Variants in NSD1 observed in about 807,000 individuals in gnomAD.
The protein encoded by NSD1 is histone-lysine N-methyltransferase, H3 lysine-36 specific.
Under a neutral mutation model 242.7 loss-of-function variants are expected in NSD1, and 26 were observed. The ratio of observed to expected loss-of-function variants is 0.11; its 90% confidence interval spans 0.08 to 0.15. NSD1 has a LOEUF of 0.15. NSD1 is among the 10% of genes least tolerant of loss of function. The probability of loss-of-function intolerance (pLI) is 1.00; values close to 1 mark genes in which losing one functional copy is unlikely to be tolerated. For synonymous variants in NSD1, 1,106 were observed against 1,178.1 expected (o/e 0.94, Z 1.25); for missense variants, 2,495 against 3,272.8 (o/e 0.76, Z 5.80).
intron 3 of NSD1, among the ~76,000 whole-genome samples, chr5:177,194,542 C>G (rs1056719312): frequency 6.8e-6 from 1 of 146,626 alleles, no homozygotes; most frequent in Non-Finnish European, 1.5e-5. Flanking sequence ...CTTGGCCTTC[C>G]GGAGTGCTGG....
chr5:177,136,801 GT>G (rs1756376374), intron 2 of NSD1: 1 of 593,032 alleles, frequency 1.7e-6, no homozygotes, highest in Non-Finnish European at 3.0e-6. Context: ...TTCTAGTTTT[GT>G]TTTGTTTTAT....
At chr5:177,242,756 C>T (rs1481209460) in intron 8 of NSD1, among the ~76,000 whole-genome samples, 1 of 151,986 alleles carries the variant, frequency 6.6e-6, no homozygotes, top group South Asian at 2.1e-4. Context: ...CTCGAACTCC[C>T]GACCTCAGGT....
At chr5:177,284,876 A>T (rs1759182947) in intron 20 of NSD1, among the ~76,000 whole-genome samples, 1 of 152,078 alleles carries the variant, frequency 6.6e-6, no homozygotes, top group Non-Finnish European at 1.5e-5. Flanking sequence ...TGAGGCCAGA[A>T]ATCGCTTGAG....
At chr5:177,191,224 C>T (rs1275683802) in intron 2 of NSD1, among the ~76,000 whole-genome samples, 1 of 152,040 alleles carries the variant, frequency 6.6e-6, no homozygotes, top group Non-Finnish European at 1.5e-5. Context: ...CCTGCCTCGG[C>T]CTCCCAAAGT....
At chr5:177,170,174 G>A (rs1273228035) in intron 2 of NSD1, among the ~76,000 whole-genome samples, 4 of 151,076 alleles carry the variant, frequency 2.6e-5, no homozygotes, top group Non-Finnish European at 4.4e-5. Context: ...GGGTTTCACC[G>A]TGTTAGCCAG....
intron 11 of NSD1, among the ~76,000 whole-genome samples, chr5:177,250,127 A>T (rs1755818907): frequency 6.6e-6 from 1 of 152,186 alleles, no homozygotes; most frequent in African/African-American, 2.4e-5. Flanking sequence ...ATCTCTAAAA[A>T]AGTAAACTCA....
At chr5:177,163,311 T>G (rs559873007) in intron 2 of NSD1, among the ~76,000 whole-genome samples, 2 of 152,066 alleles carry the variant, frequency 1.3e-5, no homozygotes, top group East Asian at 3.9e-4. Flanking sequence ...CCCGGCTAAT[T>G]TTTGTATTTT....
In NSD1 at chr5:177,294,968, A is replaced by C; in HGVS notation, c.7600A>C (p.Thr2534Pro). ...EDPWQAVKSLTQARLLSQPPA... is the reference protein window; with the variant it reads ...EDPWQAVKSLPQARLLSQPPA... ...CCCCTGGCAAGCTGTTAAATCACTC[A>C]CCCAGGCCAGACTTCTTTCTCAGCC... is the stretch of plus-strand genomic sequence containing the variant. Residue 2534 changes from threonine to proline, a missense_variant, in exon 23 of 23, where the codon ACC becomes CCC. Around this residue, in one of 19 missense-constraint regions of NSD1, gnomAD observed 475 missense variants for 563.7 expected, o/e 0.84. Coordinates refer to ENST00000439151, the MANE Select transcript of NSD1 (RefSeq NM_022455.5). 6.2e-7 allele frequency: 1 copy of C among 1,614,168 alleles called. No homozygotes were observed. The highest frequency in any genetic ancestry group is 1.1e-5 in the South Asian group (1 of 91,086).
At chr5:177,230,068 T>C (rs1764939216) in intron 5 of NSD1, among the ~76,000 whole-genome samples, 1 of 152,146 alleles carries the variant, frequency 6.6e-6, no homozygotes, top group South Asian at 2.1e-4. Context: ...TTAAAAATCA[T>C]TCAGTTGTCA....
At chr5:177,291,257 A>G (rs989033207) in intron 21 of NSD1, among the ~76,000 whole-genome samples, 1 of 152,240 alleles carries the variant, frequency 6.6e-6, no homozygotes, top group African/African-American at 2.4e-5. Flanking sequence ...GTCTTAACAC[A>G]TTGCTTATAG....
At chr5:177,149,220 T>G (rs1757499457) in intron 2 of NSD1, among the ~76,000 whole-genome samples, 1 of 150,618 alleles carries the variant, frequency 6.6e-6, no homozygotes, top group Non-Finnish European at 1.5e-5. Context: ...TCTCATTATG[T>G]TTTGTTTTTT....
intron 9 of NSD1, among the ~76,000 whole-genome samples, chr5:177,246,278 T>C (rs73347650): frequency 0.04 from 6,127 of 152,282 alleles, 420 homozygotes; most frequent in African/African-American, 0.14. Flanking sequence ...TCCTTAATCT[T>C]TAAATCATAT....
chr5:177,247,326 C>A (rs1293948545), intron 10 of NSD1, among the ~76,000 whole-genome samples: 2 of 152,086 alleles, frequency 1.3e-5, no homozygotes, highest in African/African-American at 4.8e-5. Flanking sequence ...GCTAATCGGG[C>A]AGAGGCACAA....
At chr5:177,185,294 C>A (rs1342328047) in intron 2 of NSD1, among the ~76,000 whole-genome samples, 1 of 151,730 alleles carries the variant, frequency 6.6e-6, no homozygotes, top group Non-Finnish European at 1.5e-5. Flanking sequence ...ATGGTGAAAC[C>A]CTGTCTCTAC....
At chr5:177,198,959 T>A (rs1420374780) in intron 3 of NSD1, among the ~76,000 whole-genome samples, 3 of 152,256 alleles carry the variant, frequency 2.0e-5, no homozygotes, top group Non-Finnish European at 2.9e-5. Flanking sequence ...ATGTACTTTC[T>A]GTTTCTGTGG....
At chr5:177,154,157 C>G (rs1757942175) in intron 2 of NSD1, among the ~76,000 whole-genome samples, 1 of 152,070 alleles carries the variant, frequency 6.6e-6, no homozygotes, top group African/African-American at 2.4e-5. Context: ...CTCCATAGGC[C>G]TGCTTACTGT....
At chr5:177,240,586 G>T (rs540031279) in intron 8 of NSD1, among the ~76,000 whole-genome samples, 2 of 152,062 alleles carry the variant, frequency 1.3e-5, no homozygotes, top group African/African-American at 4.8e-5. Flanking sequence ...GGTGGCAGGC[G>T]CCTGTAGTCC....
At chr5:177,212,233 G>T (rs749470942) in intron 5 of NSD1, 38 bp downstream of exon 5, 1 of 1,586,248 alleles carries the variant, frequency 6.3e-7, no homozygotes, top group South Asian at 1.1e-5. Flanking sequence ...AAAAAAATTG[G>T]AGAAAGTGCT....
chr5:177,276,842 A>G (rs985573488), intron 17 of NSD1, among the ~76,000 whole-genome samples: 3 of 152,244 alleles, frequency 2.0e-5, no homozygotes, highest in African/African-American at 7.2e-5. Flanking sequence ...AAACGAAAAA[A>G]GTCATAAACT....
Sources: gnomAD v4.1 joint callset for allele counts (sites outside exome capture counted in the v4.1 genomes callset) on GRCh38, gnomAD v4.1.1 for gene constraint, gnomAD v4.1.1 regional missense constraint, MANE v1.5 for transcripts, NCBI Gene and HGNC (gene_info 2026-07-23, HGNC 2026-07-21) for gene names.